RAVER2: variants seen among roughly 807,000 people sequenced by gnomAD.
RAVER2 encodes ribonucleoprotein, PTB binding 2.
Under a neutral mutation model 78.1 loss-of-function variants are expected in RAVER2, and 46 were observed. The observed-to-expected ratio is 0.59, with a 90% confidence interval of 0.46 to 0.75. The LOEUF (loss-of-function observed/expected upper bound fraction) is 0.75, where lower values mean the gene tolerates loss of function less well. Ranked by LOEUF, RAVER2 falls within the 30% of genes least tolerant of loss-of-function variation. The pLI is 0.00. For synonymous variants in RAVER2, 311 were observed against 313.3 expected (o/e 0.99, Z 0.08); for missense variants, 793 against 837.5 (o/e 0.95, Z 0.66).
intron 1 of RAVER2, among the ~76,000 whole-genome samples, chr1:64,754,717 A>G (rs1024078155): frequency 1.3e-5 from 2 of 152,216 alleles, no homozygotes; most frequent in Non-Finnish European, 2.9e-5. Flanking sequence ...CCCTGATTTC[A>G]TTAGGGGATT....
At chr1:64,797,755 G>T (rs181913353) in intron 5 of RAVER2, among the ~76,000 whole-genome samples, 9 of 151,986 alleles carry the variant, frequency 5.9e-5, no homozygotes, top group Admixed American at 2.0e-4. Flanking sequence ...TAATATCACC[G>T]TATCTATCTA....
chr1:64,777,706 A>C (rs769905298), exon 3 of RAVER2: 11 of 1,613,958 alleles, frequency 6.8e-6, no homozygotes. Flanking sequence ...AAAAGACTTA[A>C]TAGTCCAGCT....
intron 10 of RAVER2, 64 bp from the exon 11 acceptor site, chr1:64,814,640 C>T: frequency 1.1e-6 from 1 of 880,538 alleles, no homozygotes; most frequent in East Asian, 4.1e-5. Flanking sequence ...TTAAAATAAC[C>T]TAAATAAAAT....
At chr1:64,803,175 A>T in intron 6 of RAVER2, 114 bp downstream of exon 6, 2 of 743,468 alleles carry the variant, frequency 2.7e-6, no homozygotes, top group Non-Finnish European at 4.4e-6. Flanking sequence ...TTTAAAGAAA[A>T]TCTTTAATAA....
chr1:64,832,514 C>T (rs1441939753), exon 12 of RAVER2: 1 of 152,312 alleles, frequency 6.6e-6, no homozygotes, highest in Non-Finnish European at 1.5e-5. Context: ...TTTGGGATCT[C>T]AATCCGGGGC....
intron 1 of RAVER2, among the ~76,000 whole-genome samples, chr1:64,759,585 C>T (rs1343444435): frequency 6.8e-6 from 1 of 146,422 alleles, no homozygotes; most frequent in Admixed American, 6.8e-5. Flanking sequence ...GGCGCGATTT[C>T]GGCTCACTGC....
intron 11 of RAVER2, among the ~76,000 whole-genome samples, chr1:64,823,038 G>A (rs1243912943): frequency 6.6e-6 from 1 of 152,100 alleles, no homozygotes; most frequent in East Asian, 1.9e-4. Context: ...AGGAGGAGTT[G>A]GGGAGTATGA....
chr1:64,756,671 ATTATT>A (rs1415740447), intron 1 of RAVER2, among the ~76,000 whole-genome samples: 1 of 152,234 alleles, frequency 6.6e-6, no homozygotes, highest in Admixed American at 6.5e-5. Context: ...ACACTGGCAT[ATTATT>A]TTAACTAAAT....
chr1:64,829,530 T>C (rs1269013264), intron 11 of RAVER2, among the ~76,000 whole-genome samples: 1 of 152,162 alleles, frequency 6.6e-6, no homozygotes, highest in Non-Finnish European at 1.5e-5. Flanking sequence ...GGAAGGGTTT[T>C]TGGGGCAGAG....
chr1:64,746,864 A>C (rs996210322), intron 1 of RAVER2, among the ~76,000 whole-genome samples: 1 of 152,238 alleles, frequency 6.6e-6, no homozygotes, highest in Non-Finnish European at 1.5e-5. Context: ...TGGAAGAAGC[A>C]GATGGCATTT....
intron 9 of RAVER2, among the ~76,000 whole-genome samples, chr1:64,810,119 A>G (rs1183911154): frequency 1.3e-5 from 2 of 152,212 alleles, no homozygotes; most frequent in African/African-American, 4.8e-5. Context: ...GGATCATACC[A>G]TAATGCATGT....
intron 1 of RAVER2, among the ~76,000 whole-genome samples, chr1:64,756,505 T>C (rs1651860119): frequency 6.6e-6 from 1 of 152,184 alleles, no homozygotes; most frequent in Admixed American, 6.6e-5. Context: ...GGCCCCTGTG[T>C]CTTCTTATTG....
chr1:64,787,230 T>C (rs1557594300), intron 4 of RAVER2, among the ~76,000 whole-genome samples: 1 of 152,234 alleles, frequency 6.6e-6, no homozygotes, highest in Non-Finnish European at 1.5e-5. Flanking sequence ...CTTTTATTTT[T>C]TAGTGACTGC....
chr1:64,815,533 A>G (rs1653734727), intron 11 of RAVER2: 1 of 152,164 alleles, frequency 6.6e-6, no homozygotes, highest in African/African-American at 2.4e-5. Context: ...CTGTGTGATT[A>G]TGGAATCATA....
rs1490586125 is a variant in RAVER2 at position 64,745,470 on chromosome 1, G to T, written c.249+49G>T. ...ACGCGTCCCGAGGGGCGGCGGGGCGGCGCTCCGTGTCCAGGCTGGGATCGG... is the reference window on the plus strand; with the variant it reads ...ACGCGTCCCGAGGGGCGGCGGGGCGTCGCTCCGTGTCCAGGCTGGGATCGG... On this transcript the variant is annotated intron_variant, in intron 1 of 11. Transcript: ENST00000294428. The surrounding 1 kb of genome is among the most constrained non-coding windows in gnomAD (Gnocchi z 4.3). 10 of 1,475,914 alleles carry T rather than the reference G, an allele frequency of 6.8e-6. No individual in the cohort carries two copies. The highest frequency in any genetic ancestry group is 9.1e-6 in the Non-Finnish European group (10 of 1,102,596). The allele number at this position is 1,475,914 out of a possible 1,614,324, so 91.4% of individuals were successfully genotyped here.
At chr1:64,817,389 C>T (rs76864439) in intron 11 of RAVER2, among the ~76,000 whole-genome samples, 31,012 of 152,036 alleles carry the variant, frequency 0.2, 3,710 homozygotes, top group African/African-American at 0.34. Flanking sequence ...TTGACCCAGC[C>T]ATCCCATTAC....
chr1:64,747,828 T>G (rs1336256654), intron 1 of RAVER2, among the ~76,000 whole-genome samples: 1 of 152,148 alleles, frequency 6.6e-6, no homozygotes, highest in African/African-American at 2.4e-5. Flanking sequence ...TTTCTTTATT[T>G]TAGAATATCA....
At chr1:64,814,664 A>T (rs1317864610) in intron 10 of RAVER2, 40 bp from the exon 11 acceptor site, 1 of 1,179,454 alleles carries the variant, frequency 8.5e-7, no homozygotes, top group Non-Finnish European at 1.1e-6. Flanking sequence ...TTTATAATAA[A>T]ATAACCTAAA....
At chr1:64,777,779 T>C (rs778049488) in exon 3 of RAVER2, 1 of 1,614,112 alleles carries the variant, frequency 6.2e-7, no homozygotes, top group African/African-American at 1.3e-5. Flanking sequence ...TCAGAAGAGT[T>C]TGAAGAACTT....
Sources: allele counts gnomAD v4.1 joint callset (sites outside exome capture counted in the v4.1 genomes callset), GRCh38; gene constraint gnomAD v4.1.1; non-coding constraint Gnocchi (gnomAD v3.1); transcripts MANE v1.5; gene names NCBI Gene and HGNC (gene_info 2026-07-23, HGNC 2026-07-21).